Variants in WWC1 observed in about 807,000 individuals in gnomAD.
WWC1 encodes protein KIBRA.
In WWC1, 55 loss-of-function variants were observed where a neutral mutation model predicts 138.4. The ratio of observed to expected loss-of-function variants is 0.40; its 90% CI spans 0.32 to 0.50. The LOEUF (loss-of-function observed/expected upper bound fraction) is 0.50. Among genes scored for constraint, WWC1 ranks in the 20% least tolerant of loss-of-function variants. The pLI is 0.72. For missense variants in WWC1, 1,226 were observed against 1,420.4 expected, an observed-to-expected ratio of 0.86 and a Z score of 2.20; for synonymous variants, 524 against 564.9, an observed-to-expected ratio of 0.93 and a Z score of 1.03.
At chr5:168,299,793 C>T (rs538881163) in intron 1 of WWC1, among the ~76,000 whole-genome samples, 8 of 152,266 alleles carry the variant, frequency 5.3e-5, no homozygotes, top group Admixed American at 2.0e-4. Flanking sequence ...TCTTGCTGCA[C>T]GGTTCCCTCA....
intron 17 of WWC1, among the ~76,000 whole-genome samples, chr5:168,450,670 A>T (rs1329539792): frequency 6.6e-6 from 1 of 152,168 alleles, no homozygotes; most frequent in Non-Finnish European, 1.5e-5. Flanking sequence ...CATCTCAAAA[A>T]AATAAAATAA....
At chr5:168,449,417 T>C (rs963047527) in intron 17 of WWC1, among the ~76,000 whole-genome samples, 2 of 152,176 alleles carry the variant, frequency 1.3e-5, no homozygotes, top group African/African-American at 4.8e-5. Context: ...ACTTTTTGAA[T>C]CTGGGAAATG....
chr5:168,403,059 TTTCTTTCTTTC>T (rs879264165), intron 5 of WWC1, among the ~76,000 whole-genome samples: 2,652 of 129,604 alleles, frequency 0.02, 59 homozygotes, highest in African/African-American at 0.05. Flanking sequence ...TCTTTCTTTC[TTTCTTTCTTTC>T]TTTCTTTCTT....
intron 21 of WWC1, among the ~76,000 whole-genome samples, chr5:168,466,635 G>T (rs753587501): frequency 8.5e-5 from 13 of 152,128 alleles, no homozygotes; most frequent in Non-Finnish European, 1.9e-4. Context: ...TTTATACCCT[G>T]TTTACTTATA....
intron 17 of WWC1, among the ~76,000 whole-genome samples, chr5:168,452,846 A>G (rs1236977435): frequency 6.6e-6 from 1 of 152,016 alleles, no homozygotes; most frequent in African/African-American, 2.4e-5. Context: ...AACGTTTGGA[A>G]GCCCTACCCT....
At chr5:168,318,837 G>C (rs572491375) in intron 1 of WWC1, among the ~76,000 whole-genome samples, 1 of 152,180 alleles carries the variant, frequency 6.6e-6, no homozygotes, top group East Asian at 1.9e-4. Flanking sequence ...TGGGATTACA[G>C]GCATGAGCCA....
At chr5:168,337,292 T>C (rs1773563586) in intron 1 of WWC1, among the ~76,000 whole-genome samples, 1 of 152,064 alleles carries the variant, frequency 6.6e-6, no homozygotes, top group Non-Finnish European at 1.5e-5. Flanking sequence ...TTGCATGAAT[T>C]CTTTTTTTTC....
intron 3 of WWC1, among the ~76,000 whole-genome samples, chr5:168,395,396 C>G (rs1778823801): frequency 6.6e-6 from 1 of 152,208 alleles, no homozygotes; most frequent in African/African-American, 2.4e-5. Flanking sequence ...CCTTGTATTA[C>G]TGTTGATCAG....
chr5:168,295,483 CGTGTGTGT>C (rs3138761), intron 1 of WWC1, among the ~76,000 whole-genome samples: 22 of 142,484 alleles, frequency 1.5e-4, no homozygotes, highest in East Asian at 4.1e-4. Context: ...ATTTCTACTC[CGTGTGTGT>C]GTGTGTGTGT....
chr5:168,371,641 A>T, intron 2 of WWC1, 108 bp downstream of exon 2: 2 of 694,038 alleles, frequency 2.9e-6, no homozygotes, highest in Non-Finnish European at 4.9e-6. Context: ...TTGGAGCCAG[A>T]TTGTATTTTG....
chr5:168,390,015 T>A lies in WWC1; in HGVS notation c.433+4601T>A, dbSNP rs73805113. 9.4e-3 allele frequency among the ~76,000 whole-genome samples: 1,431 copies of A among 152,316 alleles called. 27 individuals carry two copies. Among genetic ancestry groups the A allele is most frequent in the African/African-American group, 0.033 (1,356 of 41,564 alleles). ...ATTAATGGCTCAATAAATAGTCCTATTGATAGGAAATACATAATATTTTGA... is the reference window on the plus strand; with the variant it reads ...ATTAATGGCTCAATAAATAGTCCTAATGATAGGAAATACATAATATTTTGA... On this transcript the variant is annotated intron_variant, in intron 3 of 22. Coordinates refer to ENST00000265293, the MANE Select transcript of WWC1 (RefSeq NM_015238.3).
chr5:168,382,542 T>C (rs1022647277), intron 2 of WWC1, among the ~76,000 whole-genome samples: 3 of 152,204 alleles, frequency 2.0e-5, no homozygotes, highest in East Asian at 1.9e-4. Context: ...GCTGCTTTTT[T>C]CTGTGGGCTG....
chr5:168,451,015 T>A (rs1216643920), intron 17 of WWC1, among the ~76,000 whole-genome samples: 2 of 152,070 alleles, frequency 1.3e-5, no homozygotes, highest in African/African-American at 4.8e-5. Context: ...ATTTTTATTT[T>A]ATTTATTTAT....
At chr5:168,327,799 A>T (rs1772688765) in intron 1 of WWC1, among the ~76,000 whole-genome samples, 1 of 152,212 alleles carries the variant, frequency 6.6e-6, no homozygotes, top group Non-Finnish European at 1.5e-5. Flanking sequence ...CTCTGGAAGG[A>T]TATCAAATGA....
chr5:168,345,332 C>T (rs556603504), intron 1 of WWC1, among the ~76,000 whole-genome samples: 3 of 152,222 alleles, frequency 2.0e-5, no homozygotes, highest in East Asian at 3.9e-4. Flanking sequence ...TTCGAACTCT[C>T]GACCTCAAGT....
chr5:168,390,562 T>C (rs1349557159), intron 3 of WWC1, among the ~76,000 whole-genome samples: 2 of 152,184 alleles, frequency 1.3e-5, no homozygotes, highest in Non-Finnish European at 2.9e-5. Flanking sequence ...AGCATCCCAG[T>C]TAAACAAGGT....
At chr5:168,328,872 C>T (rs1198955976) in intron 1 of WWC1, among the ~76,000 whole-genome samples, 3 of 152,152 alleles carry the variant, frequency 2.0e-5, no homozygotes, top group Non-Finnish European at 2.9e-5. Context: ...CCCAAAAGTA[C>T]TTGCATGACC....
chr5:168,413,304 G>A (rs1780360987), intron 8 of WWC1, among the ~76,000 whole-genome samples: 2 of 152,206 alleles, frequency 1.3e-5, no homozygotes, highest in South Asian at 4.1e-4. Flanking sequence ...AAGTCCTAAA[G>A]GATGATGTCA....
At chr5:168,313,909 G>C (rs1030635194) in intron 1 of WWC1, among the ~76,000 whole-genome samples, 1 of 152,210 alleles carries the variant, frequency 6.6e-6, no homozygotes, top group Non-Finnish European at 1.5e-5. Flanking sequence ...TTGAAGCCGG[G>C]TGGGGCGATG....
Sources: gnomAD v4.1 joint callset for allele counts (sites outside exome capture counted in the v4.1 genomes callset) on GRCh38, gnomAD v4.1.1 for gene constraint, MANE v1.5 for transcripts, NCBI Gene and HGNC (gene_info 2026-07-23, HGNC 2026-07-21) for gene names.